The following NRP2 variants were observed in gnomAD, a reference collection of about 807,000 sequenced individuals.
NRP2 encodes neuropilin-2.
Under a neutral mutation model 110.4 loss-of-function variants are expected in NRP2, and 52 were observed. The ratio of observed to expected loss-of-function variants is 0.47; its 90% CI spans 0.38 to 0.59. The LOEUF is 0.59. NRP2 is among the 20% of genes least tolerant of loss of function. The probability of loss-of-function intolerance (pLI) is 0.00; values close to 1 mark genes in which losing one functional copy is unlikely to be tolerated. For missense variants in NRP2, 1,049 were observed against 1,203.0 expected, an observed-to-expected ratio of 0.87 and a Z score of 1.89; for synonymous variants, 508 against 468.9, an observed-to-expected ratio of 1.08 and a Z score of -1.08.
intron 15 of NRP2, chr2:205,767,112 G>C (rs2057936210): frequency 2.2e-6 from 1 of 462,572 alleles, no homozygotes; most frequent in Non-Finnish European, 3.9e-6. Context: ...ATGCAGGGGT[G>C]GTGAGAAAGG....
intron 7 of NRP2, among the ~76,000 whole-genome samples, chr2:205,730,593 G>T (rs1390683178): frequency 6.6e-6 from 1 of 152,122 alleles, no homozygotes; most frequent in Non-Finnish European, 1.5e-5. Flanking sequence ...GCAGAGGGAA[G>T]GTTTGCAAAT....
At chr2:205,722,163 TCTCTCTCATACA>T (rs1250306118) in intron 3 of NRP2, 3 of 332,816 alleles carry the variant, frequency 9.0e-6, no homozygotes, top group African/African-American at 7.4e-5. Flanking sequence ...TCTCTCTCTC[TCTCTCTCATACA>T]CACACACACA....
chr2:205,718,533 A>T (rs2056946368), intron 3 of NRP2, among the ~76,000 whole-genome samples: 1 of 152,152 alleles, frequency 6.6e-6, no homozygotes. Flanking sequence ...TGCCAACAAC[A>T]GCCACACTCC....
At chr2:205,740,755 A>C in intron 8 of NRP2, 92 bp downstream of exon 8, 1 of 1,449,662 alleles carries the variant, frequency 6.9e-7, no homozygotes, top group East Asian at 2.3e-5. Flanking sequence ...ACTGCACCAC[A>C]TGACCTTCCC....
At chr2:205,791,103 C>A (rs1419203467) in intron 15 of NRP2, among the ~76,000 whole-genome samples, 1 of 152,214 alleles carries the variant, frequency 6.6e-6, no homozygotes, top group Non-Finnish European at 1.5e-5. Context: ...CAGTTCAGAT[C>A]ATGGTCAAGT....
chr2:205,748,071 G>C (rs849561), intron 10 of NRP2, among the ~76,000 whole-genome samples: 52,942 of 151,678 alleles, frequency 0.35, 9,532 homozygotes, highest in South Asian at 0.48. Context: ...CCGAGGCCTC[G>C]GTGCCCGCCG....
chr2:205,784,996 G>C (rs559905939), intron 15 of NRP2, among the ~76,000 whole-genome samples: 21 of 152,276 alleles, frequency 1.4e-4, no homozygotes, highest in Non-Finnish European at 2.5e-4. Context: ...GGCAGAGAGA[G>C]GTACATTTTT....
intron 7 of NRP2, among the ~76,000 whole-genome samples, chr2:205,733,636 C>T (rs2057284437): frequency 1.3e-5 from 2 of 152,120 alleles, no homozygotes; most frequent in African/African-American, 4.8e-5. Flanking sequence ...ACCCAAACAT[C>T]TGTGTTAGGA....
intron 7 of NRP2, among the ~76,000 whole-genome samples, chr2:205,736,328 C>T (rs1205325988): frequency 6.6e-6 from 1 of 151,946 alleles, no homozygotes; most frequent in South Asian, 2.1e-4. Context: ...GGTGACAGAG[C>T]AAAACCCCAT....
intron 15 of NRP2, among the ~76,000 whole-genome samples, chr2:205,774,727 C>T (rs1012421590): frequency 6.6e-6 from 1 of 152,186 alleles, no homozygotes; most frequent in African/African-American, 2.4e-5. Flanking sequence ...CACCTATTCC[C>T]CAGATCAAAG....
intron 3 of NRP2, among the ~76,000 whole-genome samples, chr2:205,717,877 C>G (rs577359216): frequency 2.0e-5 from 3 of 152,056 alleles, no homozygotes; most frequent in African/African-American, 7.3e-5. Context: ...ACCCTTTGCA[C>G]GTAACAGATT....
intron 15 of NRP2, among the ~76,000 whole-genome samples, chr2:205,775,130 G>A (rs1253778558): frequency 6.6e-6 from 1 of 152,158 alleles, no homozygotes; most frequent in African/African-American, 2.4e-5. Flanking sequence ...CAGCTAGGGA[G>A]GCATTTTTCA....
In NRP2 at chr2:205,725,072, C is replaced by A. The variant is rs2057102559; in HGVS notation, c.821-841C>A. Among the ~76,000 whole-genome samples the A allele has an allele frequency of 6.6e-6, 1 of 152,242 alleles. No homozygotes were observed. Among genetic ancestry groups the A allele is most frequent in the East Asian group, 1.9e-4 (1 of 5,204 alleles). On this transcript the variant is annotated intron_variant, in intron 5 of 16. Coordinates refer to ENST00000357785, the MANE Select transcript of NRP2 (RefSeq NM_003872.3). The surrounding 1 kb of genome is among the most constrained non-coding windows in gnomAD (Gnocchi z 4.1). ...ACCATATATATAACTACAGACACGG[C>A]AGCCTGGCCTGCAGGAAGGTTGCTG... is the stretch of plus-strand genomic sequence containing the variant.
intron 3 of NRP2, among the ~76,000 whole-genome samples, chr2:205,720,270 T>C (rs1575583909): frequency 2.3e-5 from 1 of 42,992 alleles, no homozygotes; most frequent in African/African-American, 1.4e-4. Context: ...TTCTTTTTTT[T>C]TTTTTTTTTT....
intron 2 of NRP2, among the ~76,000 whole-genome samples, chr2:205,711,453 A>C (rs2056796672): frequency 6.6e-6 from 1 of 152,166 alleles, no homozygotes; most frequent in Non-Finnish European, 1.5e-5. Context: ...TTCTCTGTGG[A>C]GGTAACATTT....
rs78250979 is a variant in NRP2, at chr2:205,781,099, C to T, written c.2426-11136C>T. Among the ~76,000 whole-genome samples, 380 of 152,322 alleles carry T rather than the reference C, an allele frequency of 2.5e-3. 2 individuals are homozygous for T. Among genetic ancestry groups the T allele is most frequent in the African/African-American group, 8.7e-3 (360 of 41,564 alleles). On this transcript the variant is annotated intron_variant, in intron 15 of 16. Transcript: ENST00000357785. ...TGAGCTGACCTGGGACCAAACTTGC[C>T]GGACTGAACTAAATTAGCCATCACT... is the stretch of plus-strand genomic sequence containing the variant.
intron 15 of NRP2, among the ~76,000 whole-genome samples, chr2:205,775,041 C>T (rs759150248): frequency 1.3e-5 from 2 of 152,114 alleles, no homozygotes; most frequent in African/African-American, 4.8e-5. Context: ...TGAAGGAGCC[C>T]GCAGCACTTC....
At chr2:205,717,877 C>T (rs577359216) in intron 3 of NRP2, among the ~76,000 whole-genome samples, 21 of 152,174 alleles carry the variant, frequency 1.4e-4, no homozygotes, top group South Asian at 8.3e-4. Context: ...ACCCTTTGCA[C>T]GTAACAGATT....
At chr2:205,694,800 G>T (rs1011595536) in intron 1 of NRP2, among the ~76,000 whole-genome samples, 1 of 152,192 alleles carries the variant, frequency 6.6e-6, no homozygotes, top group African/African-American at 2.4e-5. Flanking sequence ...AGAAAGGAAA[G>T]ATCAGTTATC....
Sources: gnomAD v4.1 joint callset for allele counts (sites outside exome capture counted in the v4.1 genomes callset) on GRCh38, gnomAD v4.1.1 for gene constraint, Gnocchi (gnomAD v3.1) non-coding constraint, MANE v1.5 for transcripts, NCBI Gene and HGNC (gene_info 2026-07-23, HGNC 2026-07-21) for gene names.